The following EPB41L4A variants were observed in gnomAD, a reference collection of about 807,000 sequenced individuals.
The protein encoded by EPB41L4A is erythrocyte membrane protein band 4.1 like 4A.
In EPB41L4A, 100 loss-of-function variants were observed where a neutral mutation model predicts 108.6. The observed-to-expected ratio is 0.92, with a 90% CI of 0.78 to 1.09. EPB41L4A has a LOEUF of 1.09. EPB41L4A is among the 50% of genes least tolerant of loss of function. The pLI is 0.00. For synonymous variants in EPB41L4A, 319 were observed against 289.0 expected (o/e 1.10, Z -1.05); for missense variants, 1,030 against 842.7 (o/e 1.22, Z -2.75).
chr5:112,394,327 A>G (rs1004305525), intron 1 of EPB41L4A, among the ~76,000 whole-genome samples: 1 of 152,218 alleles, frequency 6.6e-6, no homozygotes, highest in Non-Finnish European at 1.5e-5. Context: ...ACATGATTGT[A>G]TATTTAGAAA....
At chr5:112,341,024 C>T (rs1233195509) in intron 1 of EPB41L4A, among the ~76,000 whole-genome samples, 5 of 152,260 alleles carry the variant, frequency 3.3e-5, no homozygotes, top group South Asian at 4.1e-4. Context: ...AGGTCCTCTG[C>T]AAGCACCACT....
intron 1 of EPB41L4A, among the ~76,000 whole-genome samples, chr5:112,319,648 T>C (rs1298144152): frequency 6.6e-6 from 1 of 152,208 alleles, no homozygotes; most frequent in Non-Finnish European, 1.5e-5. Context: ...TTGTGCAAAA[T>C]ACCTGGCCTA....
intron 17 of EPB41L4A, among the ~76,000 whole-genome samples, chr5:112,185,753 C>G (rs535479638): frequency 6.6e-6 from 1 of 152,192 alleles, no homozygotes; most frequent in Non-Finnish European, 1.5e-5. Context: ...CTGAAGAAAA[C>G]TATGAGAAGG....
chr5:112,173,974 T>C (rs1760736013), intron 18 of EPB41L4A, among the ~76,000 whole-genome samples: 1 of 152,180 alleles, frequency 6.6e-6, no homozygotes, highest in Admixed American at 6.5e-5. Flanking sequence ...AACGAGATCA[T>C]CAGACCTTCT....
chr5:112,280,665 G>C (rs1446954429), intron 2 of EPB41L4A, among the ~76,000 whole-genome samples: 1 of 152,134 alleles, frequency 6.6e-6, no homozygotes, highest in Non-Finnish European at 1.5e-5. Flanking sequence ...CAAAGAGAAA[G>C]ATGATGCTGA....
chr5:112,210,215 GACTTTAAA>G (rs1327533440), intron 12 of EPB41L4A: 31 of 327,702 alleles, frequency 9.5e-5, no homozygotes, highest in Non-Finnish European at 1.6e-4. Context: ...ATTTTTTTCA[GACTTTAAA>G]ACTAAGTCTC....
At chr5:112,297,021 C>G (rs902752631) in intron 2 of EPB41L4A, among the ~76,000 whole-genome samples, 4 of 148,974 alleles carry the variant, frequency 2.7e-5, no homozygotes, top group Non-Finnish European at 4.5e-5. Context: ...ACACACACAC[C>G]ACAGTTTATC....
intron 13 of EPB41L4A, among the ~76,000 whole-genome samples, chr5:112,144,629 C>T (rs1337631425): frequency 2.6e-5 from 4 of 152,170 alleles, no homozygotes; most frequent in Non-Finnish European, 5.9e-5. Context: ...TGAATTTACA[C>T]CTAATCCTCA....
rs150560378 is a variant in EPB41L4A at position 112,167,649 on chromosome 5, G to A, written c.1932+1090C>T. 6.2e-3 allele frequency among the ~76,000 whole-genome samples: 939 copies of A among 152,230 alleles called. 4 individuals carry two copies. Among genetic ancestry groups the A allele is most frequent in the Non-Finnish European group, 0.011 (719 of 68,026 alleles). ...TGTCCCAAAGTAGAATGAATTTGAA[G>A]AGCCATCTCAGCTCTAGAGCTCCCT... is the stretch of plus-strand genomic sequence containing the variant. On this transcript the variant is annotated intron_variant, in intron 22 of 22. Coordinates refer to ENST00000261486, the MANE Select transcript of EPB41L4A (RefSeq NM_022140.5).
intron 1 of EPB41L4A, among the ~76,000 whole-genome samples, chr5:112,341,547 G>A (rs1480059877): frequency 1.3e-5 from 2 of 152,128 alleles, no homozygotes; most frequent in East Asian, 1.9e-4. Flanking sequence ...AATCAGCAAG[G>A]CAGATGAACC....
At chr5:112,409,492 A>C (rs1163859470) in intron 1 of EPB41L4A, among the ~76,000 whole-genome samples, 1 of 152,228 alleles carries the variant, frequency 6.6e-6, no homozygotes, top group East Asian at 1.9e-4. Context: ...TATACAATTT[A>C]TATCTCAATA....
intron 1 of EPB41L4A, among the ~76,000 whole-genome samples, chr5:112,383,715 CACTA>C (rs1337482255): frequency 6.6e-6 from 1 of 151,748 alleles, no homozygotes; most frequent in Non-Finnish European, 1.5e-5. Context: ...ACTTTTGGTA[CACTA>C]ACAGACAAAT....
intron 15 of EPB41L4A, among the ~76,000 whole-genome samples, chr5:112,203,994 G>A (rs1762344149): frequency 1.3e-5 from 2 of 151,182 alleles, no homozygotes; most frequent in East Asian, 1.9e-4. Flanking sequence ...AGCTGAGATC[G>A]TGCCACTGCA....
rs146797010 is a variant in EPB41L4A, at chr5:112,271,594, T to A, written c.335+3732A>T. Reference sequence around the variant, plus strand: ...CCTTTCTGATTCCCAAGCCTGTCTTTTAAACAAATGTATGTATTATACTTA... The same window carrying A: ...CCTTTCTGATTCCCAAGCCTGTCTTATAAACAAATGTATGTATTATACTTA... On this transcript the variant is annotated intron_variant, in intron 4 of 22. Coordinates refer to ENST00000261486, the MANE Select transcript of EPB41L4A (RefSeq NM_022140.5). 5.3e-5 allele frequency among the ~76,000 whole-genome samples: 8 copies of A among 152,302 alleles called. No individual in the cohort carries two copies. In the East Asian group the frequency reaches 1.5e-3, roughly 29 times the overall value.
chr5:112,392,431 G>A (rs1015585965), intron 1 of EPB41L4A, among the ~76,000 whole-genome samples: 2 of 149,658 alleles, frequency 1.3e-5, no homozygotes, highest in Admixed American at 6.7e-5. Flanking sequence ...AAAAGCAGGG[G>A]TTGCAATCCT....
chr5:112,418,437 C>T (rs1762847327), intron 1 of EPB41L4A, among the ~76,000 whole-genome samples: 1 of 152,162 alleles, frequency 6.6e-6, no homozygotes, highest in African/African-American at 2.4e-5. Context: ...AAAATATTTT[C>T]CGTCCAAACG....
chr5:112,205,335 C>A, intron 14 of EPB41L4A, 86 bp downstream of exon 14: 1 of 1,135,254 alleles, frequency 8.8e-7, no homozygotes, highest in African/African-American at 1.5e-5. Context: ...ATCAGCCACC[C>A]AGCAGCTGGA....
intron 18 of EPB41L4A, 51 bp downstream of exon 18, chr5:112,183,965 C>T (rs1485187425): frequency 1.1e-5 from 17 of 1,608,488 alleles, no homozygotes; most frequent in Non-Finnish European, 1.4e-5. Context: ...TATCCACATG[C>T]TACTTCAAAT....
intron 2 of EPB41L4A, among the ~76,000 whole-genome samples, chr5:112,293,065 C>T (rs1008821345): frequency 1.3e-5 from 2 of 152,076 alleles, no homozygotes; most frequent in African/African-American, 4.8e-5. Context: ...TACCTACGTA[C>T]CTGGTTGTAT....
Sources: gnomAD v4.1 joint callset for allele counts (sites outside exome capture counted in the v4.1 genomes callset) on GRCh38, gnomAD v4.1.1 for gene constraint, MANE v1.5 for transcripts, NCBI Gene and HGNC (gene_info 2026-07-23, HGNC 2026-07-21) for gene names.